Variants in FAT3 observed in about 807,000 individuals in gnomAD.
FAT3 encodes FAT atypical cadherin 3.
FAT3 carries 95 observed loss-of-function variants against 310.2 expected under a neutral mutation model. That is an observed-to-expected ratio of 0.31 (90% confidence interval 0.26 to 0.36). The LOEUF is 0.36. Ranked by LOEUF, FAT3 falls within the 10% of genes least tolerant of loss-of-function variation. The pLI is 1.00. For missense variants in FAT3, 5,408 were observed against 5,715.6 expected (o/e 0.95, Z 1.74); for synonymous variants, 2,314 against 2,192.9 (o/e 1.06, Z -1.54).
At chr11:92,422,128 G>A (rs981838780) in intron 2 of FAT3, among the ~76,000 whole-genome samples, 1 of 152,140 alleles carries the variant, frequency 6.6e-6, no homozygotes, top group Admixed American at 6.5e-5. Flanking sequence ...ATGTCTCAGG[G>A]AGTTTCCTTT....
chr11:92,733,657 G>A (rs1478147150), intron 4 of FAT3, among the ~76,000 whole-genome samples: 1 of 152,108 alleles, frequency 6.6e-6, no homozygotes, highest in Admixed American at 6.5e-5. Context: ...GTGGTCCCTA[G>A]GTTGAAAGGC....
intron 4 of FAT3, among the ~76,000 whole-genome samples, chr11:92,728,436 G>A (rs1473036016): frequency 1.3e-5 from 2 of 152,140 alleles, no homozygotes; most frequent in African/African-American, 2.4e-5. Flanking sequence ...GTTTTTGCTT[G>A]CAGTGTTTAC....
chr11:92,466,772 G>C (rs1166671127), intron 2 of FAT3, among the ~76,000 whole-genome samples: 50 of 121,664 alleles, frequency 4.1e-4, no homozygotes, highest in Admixed American at 1.4e-3. Flanking sequence ...GTGATGTTCC[G>C]CTTCCTGTGT....
chr11:92,359,396 A>G (rs1466702447), intron 2 of FAT3, among the ~76,000 whole-genome samples: 2 of 152,268 alleles, frequency 1.3e-5, no homozygotes, highest in Non-Finnish European at 2.9e-5. Flanking sequence ...TCTATGCTTC[A>G]GTAATTGTAG....
intron 1 of FAT3, among the ~76,000 whole-genome samples, chr11:92,227,559 C>A (rs1460184009): frequency 6.6e-6 from 1 of 152,078 alleles, no homozygotes; most frequent in African/African-American, 2.4e-5. Context: ...CACCAGCAGA[C>A]ACTGAACTTC....
intron 3 of FAT3, among the ~76,000 whole-genome samples, chr11:92,694,434 A>G (rs1943880119): frequency 6.6e-6 from 1 of 152,238 alleles, no homozygotes; most frequent in South Asian, 2.1e-4. Flanking sequence ...CAGACTTTTC[A>G]GGAAGCCTGT....
intron 1 of FAT3, among the ~76,000 whole-genome samples, chr11:92,286,840 G>A (rs1418598962): frequency 6.6e-6 from 1 of 152,140 alleles, no homozygotes; most frequent in Non-Finnish European, 1.5e-5. Flanking sequence ...GCATCAAACT[G>A]ACTTCAAGTT....
chr11:92,785,868 C>G (rs1946878471), intron 7 of FAT3, among the ~76,000 whole-genome samples: 1 of 152,036 alleles, frequency 6.6e-6, no homozygotes, highest in Non-Finnish European at 1.5e-5. Context: ...GTGAGAATAG[C>G]AAGGAAAACC....
intron 2 of FAT3, among the ~76,000 whole-genome samples, chr11:92,478,605 ACTTT>A (rs1473866732): frequency 6.6e-6 from 1 of 151,092 alleles, no homozygotes; most frequent in Non-Finnish European, 1.5e-5. Flanking sequence ...GAAACGATGC[ACTTT>A]CTATCTGATA....
At chr11:92,630,920 A>G (rs1303921547) in intron 3 of FAT3, among the ~76,000 whole-genome samples, 2 of 152,284 alleles carry the variant, frequency 1.3e-5, no homozygotes, top group Non-Finnish European at 2.9e-5. Context: ...AAATGAAAGC[A>G]TGAACCATCT....
rs570166695 is a variant in FAT3 at position 92,416,163 on chromosome 11, C to G, written c.3292+60759C>G. Among the ~76,000 whole-genome samples the G allele has an allele frequency of 4.9e-5, 7 of 143,836 alleles. No individual in the cohort carries two copies. In the East Asian group the frequency reaches 1.0e-3, roughly 21 times the overall value. 94.4% of individuals were successfully genotyped at this position (143,836 alleles called of 152,430 possible). ...GGCTGAGGTGGGCAGATCACGAGGT[C>G]AGGAGTTCAAGACCAGCCTGGCCAA... On this transcript the variant is annotated intron_variant, in intron 2 of 27. Transcript: ENST00000525166.
intron 2 of FAT3, among the ~76,000 whole-genome samples, chr11:92,416,904 A>G (rs1057292331): frequency 1.3e-5 from 2 of 152,310 alleles, no homozygotes; most frequent in East Asian, 3.9e-4. Context: ...GGAGCAGATG[A>G]TGATGAGCAC....
In FAT3 at chr11:92,862,834, G is replaced by A. The variant is rs957358371; in HGVS notation, c.11658+3512G>A. Among the ~76,000 whole-genome samples the A allele has an allele frequency of 2.0e-5, 3 of 152,208 alleles. 1 individual carries two copies. The highest frequency in any genetic ancestry group is 6.5e-5 in the Admixed American group (1 of 15,288). ...TCTCATTCCCCTTGCATGTAGGTAT[G>A]AGTGTCTACTTTTTTTGCCTGTGAG... is the stretch of plus-strand genomic sequence containing the variant. On this transcript the variant is annotated intron_variant, in intron 21 of 27. Transcript: ENST00000525166.
chr11:92,774,257 AT>A (rs1027927017), intron 7 of FAT3, 77 bp downstream of exon 7: 77 of 1,418,610 alleles, frequency 5.4e-5, no homozygotes, highest in Middle Eastern at 1.8e-4. Context: ...TGAAAAAAAA[AT>A]GTAATGGAAG....
At chr11:92,693,198 C>A (rs1289909729) in intron 3 of FAT3, among the ~76,000 whole-genome samples, 1 of 152,192 alleles carries the variant, frequency 6.6e-6, no homozygotes, top group African/African-American at 2.4e-5. Context: ...GACTGGCATA[C>A]TTCCCCTCCT....
chr11:92,578,700 T>C (rs1440325538), intron 3 of FAT3, among the ~76,000 whole-genome samples: 1 of 152,122 alleles, frequency 6.6e-6, no homozygotes, highest in Non-Finnish European at 1.5e-5. Flanking sequence ...CTGAATCATA[T>C]AATCTTCCTA....
At chr11:92,546,122 A>G (rs1487229223) in intron 3 of FAT3, among the ~76,000 whole-genome samples, 4 of 152,216 alleles carry the variant, frequency 2.6e-5, no homozygotes, top group African/African-American at 9.6e-5. Context: ...AATGTTTTGC[A>G]ACATGATACT....
At chr11:92,389,922 C>T (rs1591213521) in intron 2 of FAT3, among the ~76,000 whole-genome samples, 1 of 152,064 alleles carries the variant, frequency 6.6e-6, no homozygotes, top group East Asian at 1.9e-4. Flanking sequence ...AGTGTCTTCA[C>T]ATTACCTTGT....
intron 3 of FAT3, among the ~76,000 whole-genome samples, chr11:92,626,305 CTGATT>C (rs1199133526): frequency 6.6e-6 from 1 of 152,038 alleles, no homozygotes; most frequent in African/African-American, 2.4e-5. Flanking sequence ...CTTTGCTAGC[CTGATT>C]TAATTCCCTG....
Sources: gnomAD v4.1 joint callset for allele counts (sites outside exome capture counted in the v4.1 genomes callset) on GRCh38, gnomAD v4.1.1 for gene constraint, MANE v1.5 for transcripts, NCBI Gene and HGNC (gene_info 2026-07-23, HGNC 2026-07-21) for gene names.